The following PTPRQ variants were observed in gnomAD, a reference collection of about 807,000 sequenced individuals.
PTPRQ encodes phosphatidylinositol phosphatase PTPRQ.
Under a neutral mutation model 246.0 loss-of-function variants are expected in PTPRQ, and 199 were observed. That is an observed-to-expected ratio of 0.81 (90% CI 0.72 to 0.91). The LOEUF is 0.91. Among genes scored for constraint, PTPRQ ranks in the 40% least tolerant of loss-of-function variants. The pLI, the probability that PTPRQ is intolerant of heterozygous loss-of-function variation, is 0.00. For synonymous variants in PTPRQ, 869 were observed against 853.2 expected (o/e 1.02, Z -0.32); for missense variants, 2,624 against 2,528.4 (o/e 1.04, Z -0.81).
At position 80,445,529 on chromosome 12, in the gene PTPRQ, G is replaced by A. The variant is rs61729303; in HGVS notation, c.202G>A (p.Gly68Arg). ...PPVFLAGERVGSAGILLSWNT... is the reference protein window; with the variant it reads ...PPVFLAGERVRSAGILLSWNT... The stretch of plus-strand genomic sequence containing the variant: ...AGTCTTCCTAGCCGGGGAAAGAGTC[G>A]GATCTGCTGGGATTCTTCTGTCTTG... The change falls in exon 3 of 45, where the codon GGA becomes AGA. Residue 68 changes from glycine to arginine, a missense_variant. Coordinates refer to ENST00000644991, the MANE Select transcript of PTPRQ (RefSeq NM_001145026.2). 1.6e-3 allele frequency: 2,495 copies of A among 1,547,432 alleles called. 73 individuals carry two copies. In the Admixed American group the frequency reaches 0.044, roughly 27 times the overall value.
intron 15 of PTPRQ, 135 bp downstream of exon 15, chr12:80,506,341 A>G: frequency 9.9e-7 from 1 of 1,007,828 alleles, no homozygotes; most frequent in Non-Finnish European, 1.4e-6. Context: ...TAAATAAGCT[A>G]GGAGTTTATT....
intron 25 of PTPRQ, among the ~76,000 whole-genome samples, chr12:80,556,821 G>A (rs1157587797): frequency 6.6e-6 from 1 of 152,092 alleles, no homozygotes; most frequent in Non-Finnish European, 1.5e-5. Flanking sequence ...AACACATAGT[G>A]GAGAAAGGAA....
intron 16 of PTPRQ, among the ~76,000 whole-genome samples, chr12:80,507,723 C>A (rs1303846717): frequency 1.1e-4 from 17 of 151,912 alleles, no homozygotes; most frequent in Admixed American, 9.9e-4. Flanking sequence ...CATCTACTTA[C>A]TAATGCTTGC....
At position 80,510,450 on chromosome 12, in the gene PTPRQ, AT is replaced by A. The variant is rs753226292; in HGVS notation, c.2678+17del. Reference sequence around the variant, plus strand: ...ATTACACAGTTTATGTCTGGTAATAATTTTTTTTTTGGAAATAGTTCTGAGA... The same window carrying A: ...ATTACACAGTTTATGTCTGGTAATAATTTTTTTTTGGAAATAGTTCTGAGA... On this transcript the variant is annotated splice_region_variant and intron_variant, in intron 17 of 44. Transcript: ENST00000644991. 3.4e-3 allele frequency: 4,755 copies of A among 1,393,378 alleles called. No individual in the cohort carries two copies. The highest frequency in any genetic ancestry group is 0.011 in the South Asian group (753 of 69,636). The allele number at this position is 1,393,378 out of a possible 1,614,324, so 86.3% of individuals were successfully genotyped here. A position where few individuals can be genotyped will look rare whatever the true frequency, so the allele number is the denominator to read the frequency against.
intron 38 of PTPRQ, among the ~76,000 whole-genome samples, chr12:80,653,560 A>G (rs902467646): frequency 6.6e-6 from 1 of 152,192 alleles, no homozygotes; most frequent in Non-Finnish European, 1.5e-5. Context: ...AGAGTTTTGA[A>G]ATGTTCCCAA....
intron 35 of PTPRQ, among the ~76,000 whole-genome samples, chr12:80,645,005 G>A (rs1168672814): frequency 6.6e-6 from 1 of 151,930 alleles, no homozygotes; most frequent in African/African-American, 2.4e-5. Context: ...TGTGACATAA[G>A]TACAGACTAG....
intron 25 of PTPRQ, among the ~76,000 whole-genome samples, chr12:80,558,168 C>CTTTTCTTTTCTTTTCT (rs71094987): frequency 1.5e-3 from 52 of 35,214 alleles, no homozygotes; most frequent in South Asian, 0.011. Context: ...CTTTTCTTTT[C>CTTTTCTTTTCTTTTCT]TTTCTTTTCT....
chr12:80,546,457 A>G (rs1460010549), intron 23 of PTPRQ, 99 bp from the exon 24 acceptor site: 2 of 1,134,740 alleles, frequency 1.8e-6, no homozygotes, highest in Non-Finnish European at 2.5e-6. Flanking sequence ...TTATTAAACT[A>G]TAGGTTAAAT....
intron 39 of PTPRQ, among the ~76,000 whole-genome samples, chr12:80,666,412 G>C (rs1900788152): frequency 1.3e-5 from 2 of 151,992 alleles, no homozygotes; most frequent in African/African-American, 4.8e-5. Context: ...AGCTGGGAAG[G>C]GGAAGAGGTG....
At chr12:80,588,678 C>T (rs1897696513) in intron 26 of PTPRQ, among the ~76,000 whole-genome samples, 1 of 152,140 alleles carries the variant, frequency 6.6e-6, no homozygotes, top group African/African-American at 2.4e-5. Flanking sequence ...AAAGTTGTGC[C>T]AAGGTCCTAG....
chr12:80,606,081 A>T (rs1007728766), intron 27 of PTPRQ, among the ~76,000 whole-genome samples: 1 of 151,178 alleles, frequency 6.6e-6, no homozygotes, highest in Admixed American at 6.6e-5. Flanking sequence ...ATTAAGGATG[A>T]TTGTAAGTTA....
At chr12:80,531,796 C>T (rs1289401485) in intron 17 of PTPRQ, among the ~76,000 whole-genome samples, 1 of 152,130 alleles carries the variant, frequency 6.6e-6, no homozygotes, top group Non-Finnish European at 1.5e-5. Flanking sequence ...AAAATAAACC[C>T]TAAACAGATG....
intron 25 of PTPRQ, among the ~76,000 whole-genome samples, chr12:80,568,459 A>G (rs1334520888): frequency 2.0e-5 from 3 of 152,106 alleles, no homozygotes; most frequent in Admixed American, 1.3e-4. Flanking sequence ...GCTGTTTTTT[A>G]CTTCCTTCAA....
chr12:80,490,636 T>C (rs1308099718), intron 9 of PTPRQ, among the ~76,000 whole-genome samples: 1 of 151,990 alleles, frequency 6.6e-6, no homozygotes, highest in Non-Finnish European at 1.5e-5. Context: ...CCAGGGAAGC[T>C]GCTAAACATC....
intron 25 of PTPRQ, among the ~76,000 whole-genome samples, chr12:80,577,940 G>A (rs1897317928): frequency 6.6e-6 from 1 of 152,072 alleles, no homozygotes; most frequent in Non-Finnish European, 1.5e-5. Flanking sequence ...ACCAGAGAGA[G>A]TTGCACATGA....
At chr12:80,653,500 C>G (rs1301875566) in intron 38 of PTPRQ, among the ~76,000 whole-genome samples, 1 of 152,130 alleles carries the variant, frequency 6.6e-6, no homozygotes, top group Non-Finnish European at 1.5e-5. Flanking sequence ...ACATTTTACA[C>G]TATGAAATTA....
At chr12:80,471,953 A>G (rs1893651823) in intron 7 of PTPRQ, among the ~76,000 whole-genome samples, 152 bp from the exon 8 acceptor site, 1 of 152,154 alleles carries the variant, frequency 6.6e-6, no homozygotes, top group African/African-American at 2.4e-5. Context: ...ACTAAGCCAC[A>G]TGTTTAAAAT....
In PTPRQ at chr12:80,542,248, A is replaced by G. The variant is rs1008303712; in HGVS notation, c.3605A>G (p.Asn1202Ser). Residue 1202 changes from asparagine to serine, a missense_variant, in exon 22 of 45, where the codon AAT becomes AGT. Physicochemically the swap from Asn to Ser is conservative, Grantham distance 46. Coordinates refer to ENST00000644991, the MANE Select transcript of PTPRQ (RefSeq NM_001145026.2). ...AATTATTCTTTCATTACTTCTGATA[A>G]TTACATAATATTGGAAGAGCTTTCA... is the stretch of plus-strand genomic sequence containing the variant. ...NENYSFITSD[N>S]YIILEELSPF... 1.9e-6 allele frequency: 3 copies of G among 1,550,740 alleles called. No individual in the cohort carries two copies. The highest frequency in any genetic ancestry group is 1.2e-5 in the South Asian group (1 of 83,872).
intron 3 of PTPRQ, among the ~76,000 whole-genome samples, chr12:80,447,498 C>A (rs1395701656): frequency 6.6e-6 from 1 of 151,886 alleles, no homozygotes; most frequent in Non-Finnish European, 1.5e-5. Flanking sequence ...AAGAGTTTTA[C>A]CTAGTTTTTC....
Sources: allele counts gnomAD v4.1 joint callset (sites outside exome capture counted in the v4.1 genomes callset), GRCh38; gene constraint gnomAD v4.1.1; transcripts MANE v1.5; gene names NCBI Gene and HGNC (gene_info 2026-07-23, HGNC 2026-07-21).